CHSY3: variants seen among roughly 807,000 people sequenced by gnomAD.
The protein encoded by CHSY3 is chondroitin sulfate synthase 3.
CHSY3 carries 35 observed loss-of-function variants against 67.2 expected under a neutral mutation model. That is an observed-to-expected ratio of 0.52 (90% CI 0.40 to 0.69). The LOEUF is 0.69. Ranked by LOEUF, CHSY3 falls within the 30% of genes least tolerant of loss-of-function variation. The pLI, the probability that CHSY3 is intolerant of heterozygous loss-of-function variation, is 0.00. For synonymous variants in CHSY3, 474 were observed against 434.7 expected (o/e 1.09, Z -1.12); for missense variants, 1,069 against 1,138.5 (o/e 0.94, Z 0.88).
chr5:130,174,469 A>T (rs2149734273), intron 2 of CHSY3, among the ~76,000 whole-genome samples: 1 of 152,246 alleles, frequency 6.6e-6, no homozygotes, highest in South Asian at 2.1e-4. Flanking sequence ...CAACAGAGAT[A>T]ATTTAGTTTC....
chr5:130,074,410 G>A (rs1561524546), intron 2 of CHSY3, among the ~76,000 whole-genome samples: 1 of 152,012 alleles, frequency 6.6e-6, no homozygotes, highest in African/African-American at 2.4e-5. Flanking sequence ...TAGAAGATAT[G>A]GCACACATTC....
In CHSY3 at chr5:130,184,567, C is replaced by T. The variant is rs745812761; in HGVS notation, c.1425C>T (p.Tyr475=). The stretch of plus-strand genomic sequence containing the variant: ...AGTTCCTGACAGGGAAGCTTCTATA[C>T]TCAGCAGCTGAGAACCAGCCCCCTC... ...EWEFLTGKLL[Y]SAAENQPPRQ... Residue 475 remains tyrosine, a synonymous_variant, in exon 3 of 3, where the codon TAC becomes TAT. Coordinates refer to ENST00000305031, the MANE Select transcript of CHSY3 (RefSeq NM_175856.5). 1.2e-6 allele frequency: 2 copies of T among 1,610,298 alleles called. No individual in the cohort carries two copies. Among genetic ancestry groups the T allele is most frequent in the Admixed American group, 1.7e-5 (1 of 59,970 alleles).
chr5:130,009,778 A>C (rs1763993951), intron 2 of CHSY3, among the ~76,000 whole-genome samples: 2 of 152,196 alleles, frequency 1.3e-5, no homozygotes, highest in South Asian at 4.1e-4. Flanking sequence ...ATAGGCTCAA[A>C]GTAAAGGGAT....
intron 2 of CHSY3, among the ~76,000 whole-genome samples, chr5:130,035,570 A>G (rs766338917): frequency 2.6e-5 from 4 of 152,166 alleles, no homozygotes; most frequent in Admixed American, 6.6e-5. Flanking sequence ...GTAAGTAGAA[A>G]TGAGTGATAT....
intron 2 of CHSY3, among the ~76,000 whole-genome samples, chr5:130,036,039 G>A (rs1259380534): frequency 6.6e-6 from 1 of 151,936 alleles, no homozygotes; most frequent in African/African-American, 2.4e-5. Flanking sequence ...GCAACTAAGA[G>A]AAGAGCTTTG....
intron 2 of CHSY3, among the ~76,000 whole-genome samples, chr5:130,152,567 A>G (rs1769261494): frequency 1.3e-5 from 2 of 152,190 alleles, no homozygotes; most frequent in Admixed American, 6.6e-5. Context: ...TTAAGCTTCT[A>G]ATCAGTGTTC....
intron 2 of CHSY3, among the ~76,000 whole-genome samples, chr5:130,086,123 G>A (rs1766611254): frequency 6.6e-6 from 1 of 151,982 alleles, no homozygotes; most frequent in African/African-American, 2.4e-5. Context: ...ATGTCTATTA[G>A]GTCCGCTTGG....
At chr5:130,117,423 G>A (rs917930614) in intron 2 of CHSY3, among the ~76,000 whole-genome samples, 1 of 152,120 alleles carries the variant, frequency 6.6e-6, no homozygotes, top group Non-Finnish European at 1.5e-5. Flanking sequence ...TCAGGTTGTG[G>A]CAGAGCTGAA....
intron 2 of CHSY3, among the ~76,000 whole-genome samples, chr5:130,137,859 T>G (rs1439689392): frequency 2.0e-5 from 3 of 151,986 alleles, no homozygotes; most frequent in African/African-American, 7.3e-5. Flanking sequence ...ATCTAAAGAG[T>G]CCAGAATGTT....
intron 2 of CHSY3, among the ~76,000 whole-genome samples, chr5:130,077,128 T>A (rs1457168863): frequency 4.0e-5 from 6 of 150,870 alleles, no homozygotes; most frequent in Non-Finnish European, 8.9e-5. Context: ...GAAAAAAAAT[T>A]TAAAAAAAAA....
intron 2 of CHSY3, among the ~76,000 whole-genome samples, chr5:130,145,608 AC>A (rs1769049886): frequency 6.6e-6 from 1 of 152,210 alleles, no homozygotes; most frequent in African/African-American, 2.4e-5. Flanking sequence ...AAATGAGATT[AC>A]ATCAAACTAA....
chr5:129,980,812 G>A (rs963273690), intron 2 of CHSY3, among the ~76,000 whole-genome samples: 1 of 152,072 alleles, frequency 6.6e-6, no homozygotes, highest in African/African-American at 2.4e-5. Context: ...TAAGGTCTGT[G>A]TCTAGATCCA....
At chr5:129,995,873 C>T (rs1763524479) in intron 2 of CHSY3, among the ~76,000 whole-genome samples, 1 of 151,960 alleles carries the variant, frequency 6.6e-6, no homozygotes, top group East Asian at 1.9e-4. Context: ...TCTCCCAACT[C>T]CCACCTATCT....
At chr5:130,088,317 T>G (rs906537539) in intron 2 of CHSY3, among the ~76,000 whole-genome samples, 19 of 149,756 alleles carry the variant, frequency 1.3e-4, no homozygotes, top group Non-Finnish European at 2.4e-4. Context: ...GGCAAGGACT[T>G]CATGTCTAAA....
intron 2 of CHSY3, among the ~76,000 whole-genome samples, chr5:130,066,036 C>T (rs566277976): frequency 9.9e-5 from 15 of 152,136 alleles, no homozygotes; most frequent in Admixed American, 9.2e-4. Context: ...TGGAACACAC[C>T]TTCTTCTGAG....
At chr5:130,023,713 T>A (rs4267899) in intron 2 of CHSY3, among the ~76,000 whole-genome samples, 143,571 of 152,038 alleles carry the variant, frequency 0.94, 67,905 homozygotes, top group East Asian at 1. Flanking sequence ...CAGTTCTGAG[T>A]ACAGTGCTGA....
intron 2 of CHSY3, among the ~76,000 whole-genome samples, chr5:130,022,729 A>G (rs1764429343): frequency 6.6e-6 from 1 of 151,960 alleles, no homozygotes; most frequent in African/African-American, 2.4e-5. Flanking sequence ...CCATGAAATC[A>G]CATTATTTAA....
rs570156666 is a variant in CHSY3 at position 129,958,453 on chromosome 5, A to G, written c.1086+50093A>G. Among the ~76,000 whole-genome samples, 36 of 152,274 alleles carry G rather than the reference A, an allele frequency of 2.4e-4. No individual in the cohort carries two copies. In the South Asian group the frequency reaches 4.3e-3, roughly 18 times the overall value. ...GGGTGCGCAGGGAAGCTGCTGTCCA[A>G]TGATTGACCCCCAAGCCTGCATTAG... On this transcript the variant is annotated intron_variant, in intron 2 of 2. Transcript: ENST00000305031.
intron 2 of CHSY3, among the ~76,000 whole-genome samples, chr5:129,961,615 C>T (rs2149607894): frequency 6.6e-6 from 1 of 151,968 alleles, no homozygotes; most frequent in East Asian, 1.9e-4. Flanking sequence ...CTCAGATAAC[C>T]CCTTCTCTGA....
Sources: allele counts gnomAD v4.1 joint callset (sites outside exome capture counted in the v4.1 genomes callset), GRCh38; gene constraint gnomAD v4.1.1; transcripts MANE v1.5; gene names NCBI Gene and HGNC (gene_info 2026-07-23, HGNC 2026-07-21).